CDCP1: variants seen among roughly 807,000 people sequenced by gnomAD.
The protein encoded by CDCP1 is CUB domain containing protein 1.
A neutral mutation model predicts 60.2 loss-of-function variants in CDCP1; 29 were observed. The observed-to-expected ratio is 0.48, with a 90% CI of 0.36 to 0.66. The LOEUF (loss-of-function observed/expected upper bound fraction) is 0.66. Among genes scored for constraint, CDCP1 ranks in the 30% least tolerant of loss-of-function variants. The pLI is 0.00. For missense variants in CDCP1, 876 were observed against 1,074.3 expected, an observed-to-expected ratio of 0.82 and a Z score of 2.58; for synonymous variants, 387 against 431.1, an observed-to-expected ratio of 0.90 and a Z score of 1.27.
chr3:45,102,896 AC>A (rs1698503179), intron 4 of CDCP1, among the ~76,000 whole-genome samples: 1 of 151,298 alleles, frequency 6.6e-6, no homozygotes, highest in Non-Finnish European at 1.5e-5. Context: ...TTTGGGCTCA[AC>A]CAAATATGCC....
Position 45,091,586 on chromosome 3 carries a change from A to C in CDCP1, c.1628-48T>G. The C allele has an allele frequency of 2.6e-6, 4 of 1,534,032 alleles. No homozygotes were observed. The highest frequency in any genetic ancestry group is 2.6e-6 in the Non-Finnish European group (3 of 1,142,922). On this transcript the variant is annotated intron_variant, in intron 6 of 8. Transcript: ENST00000296129. This position sits in a 1 kb window ranked among gnomAD's most constrained non-coding sequence, Gnocchi z 4.8. ...CAGACAGATGTTTCATTCAGTCAAC[A>C]TGGAGAGGAAAGGGAGTGGTGGAGG...
chr3:45,086,979 A>G (rs1698205562), intron 8 of CDCP1, among the ~76,000 whole-genome samples: 1 of 152,238 alleles, frequency 6.6e-6, no homozygotes. Context: ...AGATAAAAAT[A>G]AACCTGGTAC....
intron 2 of CDCP1, among the ~76,000 whole-genome samples, chr3:45,117,967 T>C (rs1698821770): frequency 6.6e-6 from 1 of 152,182 alleles, no homozygotes; most frequent in Non-Finnish European, 1.5e-5. Context: ...CGGCCTCTCC[T>C]CAACCTTCTG....
Position 45,131,020 on chromosome 3 carries a change from C to T in CDCP1, c.83-12399G>A, listed in dbSNP as rs547847761. Among the ~76,000 whole-genome samples the T allele has an allele frequency of 4.6e-5, 7 of 152,246 alleles. No individual in the cohort carries two copies. The South Asian group carries it at 1.5e-3, about 32-fold the overall frequency. Reference sequence around the variant, plus strand: ...TAGCTGGGACCACCAGCGAATGACACCATGCCTGGCTAATTTTTTTGTTTT... The same window carrying T: ...TAGCTGGGACCACCAGCGAATGACATCATGCCTGGCTAATTTTTTTGTTTT... On this transcript the variant is annotated intron_variant, in intron 1 of 8. Transcript: ENST00000296129.
chr3:45,113,910 CAA>C (rs1698740328), intron 2 of CDCP1, among the ~76,000 whole-genome samples: 1 of 152,200 alleles, frequency 6.6e-6, no homozygotes, highest in African/African-American at 2.4e-5. Context: ...AAGCAGACCT[CAA>C]GTGATTTTCC....
chr3:45,088,993 C>T, intron 8 of CDCP1, 61 bp downstream of exon 8: 3 of 1,289,782 alleles, frequency 2.3e-6, no homozygotes, highest in South Asian at 2.4e-5. Context: ...AACAATCCAC[C>T]CAGTCTGTGT....
In CDCP1 at chr3:45,108,945, A is replaced by T. The variant is rs1476837658; in HGVS notation, c.1024+1528T>A. On this transcript the variant is annotated intron_variant, in intron 4 of 8. Coordinates refer to ENST00000296129, the MANE Select transcript of CDCP1 (RefSeq NM_022842.5). ...TATATATGCATGTATACATATATATATATATATATTTTTTTTTTTTTTGAG... is the reference window on the plus strand; with the variant it reads ...TATATATGCATGTATACATATATATTTATATATATTTTTTTTTTTTTTGAG... 5.9e-4 allele frequency among the ~76,000 whole-genome samples: 23 copies of T among 38,996 alleles called. 7 individuals are homozygous for T. Among genetic ancestry groups the T allele is most frequent in the African/African-American group, 1.4e-3 (15 of 10,718 alleles). The allele number at this position is 38,996 out of a possible 152,430, so 25.6% of individuals were successfully genotyped here. A position where few individuals can be genotyped will look rare whatever the true frequency, so the allele number is the denominator to read the frequency against.
At chr3:45,110,285 C>T (rs953868118) in intron 4 of CDCP1, 188 bp downstream of exon 4, 56 of 1,429,736 alleles carry the variant, frequency 3.9e-5, no homozygotes, top group South Asian at 1.1e-4. Flanking sequence ...AACTACATAC[C>T]GGGTGTTCAC....
intron 1 of CDCP1, among the ~76,000 whole-genome samples, chr3:45,124,870 G>A (rs1698950398): frequency 6.6e-6 from 1 of 152,168 alleles, no homozygotes; most frequent in South Asian, 2.1e-4. Context: ...ACACACCATT[G>A]CAATGATTTC....
At chr3:45,097,277 A>G (rs1405526667) in intron 4 of CDCP1, among the ~76,000 whole-genome samples, 1 of 151,730 alleles carries the variant, frequency 6.6e-6, no homozygotes, top group East Asian at 1.9e-4. Flanking sequence ...ATTTCACTCC[A>G]GCCTAGGCAA....
At position 45,096,605 on chromosome 3, in the gene CDCP1, C is replaced by T. The variant is rs1450209255; in HGVS notation, c.1025-1037G>A. Among the ~76,000 whole-genome samples the T allele has an allele frequency of 5.9e-5, 6 of 101,710 alleles. No homozygotes were observed. In the Admixed American group the frequency reaches 1.0e-3, roughly 17 times the overall value. The allele number at this position is 101,710 out of a possible 152,430, so 66.7% of individuals were successfully genotyped here. A position where few individuals can be genotyped will look rare whatever the true frequency, so the allele number is the denominator to read the frequency against. ...GTACCACTGCACCCTAGCCTAGTGA[C>T]AGAGCAAGACTCCGTCTCAAAAAAA... On this transcript the variant is annotated intron_variant, in intron 4 of 8. Coordinates refer to ENST00000296129, the MANE Select transcript of CDCP1 (RefSeq NM_022842.5).
At chr3:45,133,483 C>T (rs1245021014) in intron 1 of CDCP1, among the ~76,000 whole-genome samples, 15 of 5,498 alleles carry the variant, frequency 2.7e-3, no homozygotes, top group Non-Finnish European at 0.01. Context: ...CTTTGGGAGG[C>T]CGAGGCGGGC....
chr3:45,085,593 T>C lies in CDCP1; in HGVS notation c.*45A>G, dbSNP rs368858499. The C allele has an allele frequency of 1.3e-6, 2 of 1,551,308 alleles. No homozygotes were observed. The highest frequency in any genetic ancestry group is 2.4e-5 in the South Asian group (2 of 82,994). ...TTAGGAACACGGACGGGTGTCTCAG[T>C]GCCCTGCTTTATGAAACTCAGCAAA... is the stretch of plus-strand genomic sequence containing the variant. On this transcript the variant is annotated 3_prime_UTR_variant, in exon 9 of 9. Transcript: ENST00000296129. The surrounding 1 kb of genome is among the most constrained non-coding windows in gnomAD (Gnocchi z 4.2).
intron 1 of CDCP1, among the ~76,000 whole-genome samples, chr3:45,143,625 T>G (rs1402824817): frequency 6.6e-6 from 1 of 152,234 alleles, no homozygotes; most frequent in African/African-American, 2.4e-5. Flanking sequence ...TTATATTTAT[T>G]GCCACTTTTT....
intron 1 of CDCP1, among the ~76,000 whole-genome samples, chr3:45,132,826 G>A (rs564815795): frequency 1.1e-4 from 16 of 152,286 alleles, no homozygotes; most frequent in African/African-American, 3.1e-4. Context: ...TCTGTGCCAC[G>A]GCACCCAGTG....
chr3:45,110,631 G>C lies in CDCP1; in HGVS notation c.866C>G (p.Thr289Ser), dbSNP rs1236808565. Residue 289 changes from threonine (T) to serine (S), a missense_variant, in exon 4 of 9, where the codon ACC (threonine) becomes AGC (serine). Thr to Ser is a moderately conservative substitution (Grantham distance 58). Around this residue, in one of 2 missense-constraint regions of CDCP1, gnomAD observed 726 missense variants for 935.7 expected, o/e 0.78. Transcript: ENST00000296129. ...CAGCTTGAACACCTCGGGGTTGGTG[G>C]TGGAGCCCGGGATGTAGTATTCAAC... is the stretch of plus-strand genomic sequence containing the variant. ...ERVEYYIPGS[T>S]TNPEVFKLED... 2 of 1,614,068 alleles carry C rather than the reference G, an allele frequency of 1.2e-6. No individual in the cohort carries two copies. The highest frequency in any genetic ancestry group is 2.7e-5 in the African/African-American group (2 of 74,914).
At chr3:45,137,851 C>G (rs909693266) in intron 1 of CDCP1, among the ~76,000 whole-genome samples, 1 of 151,550 alleles carries the variant, frequency 6.6e-6, no homozygotes, top group East Asian at 1.9e-4. Context: ...AAGGACTTAG[C>G]TCTGACAGAT....
Position 45,082,605 on chromosome 3 carries a change from G to A in CDCP1, c.*3033C>T, listed in dbSNP as rs183676288. The A allele has an allele frequency of 6.6e-6, 1 of 152,306 alleles. No homozygotes were observed. The allele number at this position is 152,306 out of a possible 1,614,324, so 9.4% of individuals were successfully genotyped here. A position where few individuals can be genotyped will look rare whatever the true frequency, so the allele number is the denominator to read the frequency against. On this transcript the variant is annotated 3_prime_UTR_variant, in exon 9 of 9. Transcript: ENST00000296129. ...CTGCAATGAATAAATTATTTCCAGT[G>A]AAGCACTGCAGATCCACACACACCA... is the stretch of plus-strand genomic sequence containing the variant.
intron 2 of CDCP1, among the ~76,000 whole-genome samples, chr3:45,115,246 C>T (rs1433196698): frequency 7.9e-5 from 7 of 88,212 alleles, no homozygotes; most frequent in Admixed American, 1.5e-4. Context: ...TGGGGTGGGG[C>T]GGGGAAGTAC....
Sources: allele counts gnomAD v4.1 joint callset (sites outside exome capture counted in the v4.1 genomes callset), GRCh38; gene constraint gnomAD v4.1.1; regional missense constraint gnomAD v4.1.1; non-coding constraint Gnocchi (gnomAD v3.1); transcripts MANE v1.5; gene names NCBI Gene and HGNC (gene_info 2026-07-23, HGNC 2026-07-21).